CLTC: variants seen among roughly 807,000 people sequenced by gnomAD.
CLTC encodes the protein clathrin heavy chain 1.
Under a neutral mutation model 195.8 loss-of-function variants are expected in CLTC, and 16 were observed. The ratio of observed to expected loss-of-function variants is 0.08; its 90% CI spans 0.06 to 0.12. CLTC has a LOEUF of 0.12. Among genes scored for constraint, CLTC ranks in the 10% least tolerant of loss-of-function variants. The pLI, the probability that CLTC is intolerant of heterozygous loss-of-function variation, is 1.00. For synonymous variants in CLTC, 667 were observed against 689.4 expected (o/e 0.97, Z 0.51); for missense variants, 796 against 2,027.0 (o/e 0.39, Z 11.66).
At chr17:59,639,706 A>G (rs777260871) in intron 1 of CLTC, among the ~76,000 whole-genome samples, 4 of 152,020 alleles carry the variant, frequency 2.6e-5, no homozygotes, top group Non-Finnish European at 5.9e-5. Context: ...ACAGTGGTTC[A>G]TACCTGTAAT....
chr17:59,621,567 G>C (rs1241545417), intron 1 of CLTC, among the ~76,000 whole-genome samples: 2 of 152,246 alleles, frequency 1.3e-5, no homozygotes, highest in South Asian at 2.1e-4. Context: ...GTTTGCACTA[G>C]CAAGGACTTA....
rs2033073072 is a variant in CLTC at position 59,681,164 on chromosome 17, C to T, written c.3065+107C>T. On this transcript the variant is annotated intron_variant, in intron 19 of 31. Transcript: ENST00000269122. The surrounding 1 kb of genome is among the most constrained non-coding windows in gnomAD (Gnocchi z 5.0). The stretch of plus-strand genomic sequence containing the variant: ...AAGATCAGAGAAAGTTGCCTGAATT[C>T]TCACTCTTCTAATATCCTCCCCCCT... The T allele has an allele frequency of 6.8e-7, 1 of 1,463,580 alleles. No homozygotes were observed. Among genetic ancestry groups the T allele is most frequent in the Admixed American group, 2.0e-5 (1 of 50,040 alleles). 90.7% of individuals were successfully genotyped at this position (1,463,580 alleles called of 1,614,324 possible). A position where few individuals can be genotyped will look rare whatever the true frequency, so the allele number is the denominator to read the frequency against.
At chr17:59,627,590 T>G (rs1444796161) in intron 1 of CLTC, among the ~76,000 whole-genome samples, 1 of 152,246 alleles carries the variant, frequency 6.6e-6, no homozygotes, top group Non-Finnish European at 1.5e-5. Flanking sequence ...TACTGTCGTT[T>G]GTTTATCGTG....
chr17:59,670,426 G>C (rs979141948), intron 14 of CLTC, among the ~76,000 whole-genome samples: 1 of 151,642 alleles, frequency 6.6e-6, no homozygotes, highest in Non-Finnish European at 1.5e-5. Flanking sequence ...TATTTTTTCT[G>C]ATCCTCTCCC....
intron 31 of CLTC, among the ~76,000 whole-genome samples, chr17:59,692,095 G>A (rs1240242347): frequency 6.6e-6 from 1 of 152,182 alleles, no homozygotes; most frequent in Non-Finnish European, 1.5e-5. Context: ...AAGGTGGGCG[G>A]ATCATGAGGT....
intron 15 of CLTC, 22 bp downstream of exon 15, chr17:59,673,794 TA>T: frequency 9.6e-7 from 1 of 1,040,096 alleles, no homozygotes; most frequent in Non-Finnish European, 1.5e-6. Flanking sequence ...GTAGGTAATG[TA>T]AAGGTATAAT....
rs145246516 is a variant in CLTC at position 59,633,217 on chromosome 17, G to A, written c.43-11059G>A. On this transcript the variant is annotated intron_variant, in intron 1 of 31. Coordinates refer to ENST00000269122, the MANE Select transcript of CLTC (RefSeq NM_004859.4). ...CACAGGAAAACACTCCAGGCTGGGTGCAGTGGCTCACTCCTGTAATCCCAA... is the reference window on the plus strand; with the variant it reads ...CACAGGAAAACACTCCAGGCTGGGTACAGTGGCTCACTCCTGTAATCCCAA... Among the ~76,000 whole-genome samples the A allele has an allele frequency of 5.0e-3, 767 of 152,298 alleles. 3 individuals carry two copies. Among genetic ancestry groups the A allele is most frequent in the Non-Finnish European group, 6.0e-3 (409 of 68,016 alleles).
chr17:59,655,680 C>G (rs750159968), intron 5 of CLTC, among the ~76,000 whole-genome samples, 174 bp from the exon 6 acceptor site: 1 of 152,112 alleles, frequency 6.6e-6, no homozygotes, highest in Non-Finnish European at 1.5e-5. Flanking sequence ...CTTGGGATAT[C>G]CATATTTAAA....
At chr17:59,659,369 G>A (rs1255057347) in intron 6 of CLTC, among the ~76,000 whole-genome samples, 1 of 151,846 alleles carries the variant, frequency 6.6e-6, no homozygotes, top group Non-Finnish European at 1.5e-5. Flanking sequence ...AGGTTTGAGG[G>A]TAGGTAATTT....
At position 59,681,631 on chromosome 17, in the gene CLTC, A is replaced by C. The variant is rs1363679371; in HGVS notation, c.3250-16A>C. 2 of 1,600,258 alleles carry C rather than the reference A, an allele frequency of 1.2e-6. No individual in the cohort carries two copies. The highest frequency in any genetic ancestry group is 2.7e-5 in the African/African-American group (2 of 74,428). On this transcript the variant is annotated splice_polypyrimidine_tract_variant and intron_variant, in intron 20 of 31. Transcript: ENST00000269122. This position sits in a 1 kb window ranked among gnomAD's most constrained non-coding sequence, Gnocchi z 5.0. ...TTGATTTTACTCTAACCCTAATTTCAAACTTGGATACTTAGGTCTTAATTG... is the reference window on the plus strand; with the variant it reads ...TTGATTTTACTCTAACCCTAATTTCCAACTTGGATACTTAGGTCTTAATTG...
chr17:59,620,661 C>G (rs867068497), intron 1 of CLTC, among the ~76,000 whole-genome samples: 1 of 151,574 alleles, frequency 6.6e-6, no homozygotes, highest in Admixed American at 6.6e-5. Flanking sequence ...TTTTTTTTCC[C>G]TCCCTCTGCG....
intron 30 of CLTC, among the ~76,000 whole-genome samples, chr17:59,688,874 CT>C (rs2033238664): frequency 6.6e-6 from 1 of 152,092 alleles, no homozygotes; most frequent in South Asian, 2.1e-4. Context: ...TTAGAAGTTA[CT>C]AATATACAGG....
intron 4 of CLTC, among the ~76,000 whole-genome samples, chr17:59,649,379 T>C (rs986648043): frequency 3.3e-5 from 5 of 152,232 alleles, no homozygotes; most frequent in Non-Finnish European, 7.3e-5. Context: ...GAAATCCTAA[T>C]ACTTTTGTGT....
intron 1 of CLTC, among the ~76,000 whole-genome samples, chr17:59,634,933 G>A (rs2031820385): frequency 6.6e-6 from 1 of 152,232 alleles, no homozygotes; most frequent in Non-Finnish European, 1.5e-5. Flanking sequence ...ACTGATACTA[G>A]AGAAGGTAGA....
chr17:59,690,624 G>GT lies in CLTC; in HGVS notation c.4828-7dup, dbSNP rs1338344525. 2 of 1,603,118 alleles carry GT rather than the reference G, an allele frequency of 1.2e-6. No homozygotes were observed. Among genetic ancestry groups the GT allele is most frequent in the Non-Finnish European group, 1.7e-6 (2 of 1,172,784 alleles). ...TTTGGGGTGCTAATTAACATGATGTGTTTTTCTCCAGGTGGATAAATTAGA... is the reference window on the plus strand; with the variant it reads ...TTTGGGGTGCTAATTAACATGATGTGTTTTTTCTCCAGGTGGATAAATTAGA... On this transcript the variant is annotated splice_polypyrimidine_tract_variant and intron_variant, in intron 30 of 31. Coordinates refer to ENST00000269122, the MANE Select transcript of CLTC (RefSeq NM_004859.4).
At chr17:59,645,063 A>T (rs1273334793) in intron 2 of CLTC, among the ~76,000 whole-genome samples, 1 of 152,252 alleles carries the variant, frequency 6.6e-6, no homozygotes, top group Non-Finnish European at 1.5e-5. Flanking sequence ...TAAATTTTGT[A>T]TCTGGTATAA....
At chr17:59,687,087 T>C in intron 30 of CLTC, 1 of 856,680 alleles carries the variant, frequency 1.2e-6, no homozygotes. Flanking sequence ...GCATGATGTT[T>C]TTCCTTCCTC....
At position 59,690,705 on chromosome 17, in the gene CLTC, G is replaced by C. The variant is rs1267839570; in HGVS notation, c.4897G>C (p.Val1633Leu). 6.2e-7 allele frequency: 1 copy of C among 1,610,026 alleles called. No homozygotes were observed. The highest frequency in any genetic ancestry group is 8.5e-7 in the Non-Finnish European group (1 of 1,177,050). ...ACAAGCTACAGAGACACAACCCATT[G>C]TTTATGGTAATCTCTCTCTGTAACC... is the stretch of plus-strand genomic sequence containing the variant. The part of the protein sequence containing the change: ...EEQATETQPI[V>L]YGQPQLMLTA... The change falls in exon 31 of 32, where the codon GTT (valine) becomes CTT (leucine). Residue 1633 changes from valine (V) to leucine (L), a missense_variant. Transcript: ENST00000269122.
chr17:59,620,366 C>T (rs1461833141), intron 1 of CLTC, among the ~76,000 whole-genome samples, 193 bp downstream of exon 1: 2 of 151,922 alleles, frequency 1.3e-5, no homozygotes, highest in African/African-American at 2.4e-5. Context: ...ATGGAAAGGA[C>T]AGGAGTTGGG....
Sources: gnomAD v4.1 joint callset for allele counts (sites outside exome capture counted in the v4.1 genomes callset) on GRCh38, gnomAD v4.1.1 for gene constraint, Gnocchi (gnomAD v3.1) non-coding constraint, MANE v1.5 for transcripts, NCBI Gene and HGNC (gene_info 2026-07-23, HGNC 2026-07-21) for gene names.